The following PTGIS variants were observed in gnomAD, a reference collection of about 807,000 sequenced individuals.
PTGIS encodes the protein prostaglandin I2 synthase.
In PTGIS, 45 loss-of-function variants were observed where a neutral mutation model predicts 50.3. The ratio of observed to expected loss-of-function variants is 0.90; its 90% CI spans 0.70 to 1.15. The LOEUF is 1.15. Among genes scored for constraint, PTGIS ranks in the 50% most tolerant of loss-of-function variants. PTGIS has a pLI of 0.00. For missense variants in PTGIS, 668 were observed against 661.3 expected (o/e 1.01, Z -0.11); for synonymous variants, 260 against 267.7 (o/e 0.97, Z 0.28).
At chr20:49,542,198 T>C (rs1415529335) in intron 4 of PTGIS, among the ~76,000 whole-genome samples, 1 of 152,110 alleles carries the variant, frequency 6.6e-6, no homozygotes. Flanking sequence ...ACTTTGGGTG[T>C]GACTCAGTGA....
chr20:49,533,885 T>TC (rs1399774973), intron 5 of PTGIS, among the ~76,000 whole-genome samples: 25 of 152,058 alleles, frequency 1.6e-4, no homozygotes, highest in African/African-American at 5.8e-4. Context: ...TGCTTGAACC[T>TC]GGGAGGCAGA....
chr20:49,514,338 C>T lies in PTGIS; in HGVS notation c.913G>A (p.Ala305Thr), dbSNP rs1240279552. 6.2e-7 allele frequency: 1 copy of T among 1,613,992 alleles called. No homozygotes were observed. The highest frequency in any genetic ancestry group is 1.3e-5 in the African/African-American group (1 of 74,932). Reference sequence around the variant, plus strand: ...AGCTCTCCGCGGACAGCAGCCAGGGCTTCAGGATTCTTGAGAAGGAAGAGC... The same window carrying T: ...AGCTCTCCGCGGACAGCAGCCAGGGTTTCAGGATTCTTGAGAAGGAAGAGC... ...LLLFLLKNPE[A>T]LAAVRGELES... Residue 305 changes from alanine to threonine, a missense_variant, in exon 7 of 10, where the codon GCC becomes ACC. Ala to Thr is a moderately conservative substitution (Grantham distance 58). Coordinates refer to ENST00000244043, the MANE Select transcript of PTGIS (RefSeq NM_000961.4).
intron 6 of PTGIS, among the ~76,000 whole-genome samples, chr20:49,519,853 G>A (rs2122849581): frequency 1.3e-5 from 2 of 151,142 alleles, no homozygotes; most frequent in Non-Finnish European, 2.9e-5. Flanking sequence ...GGATCCTGTT[G>A]GCTTTACTTT....
In PTGIS at chr20:49,554,696, G is replaced by A. The variant is rs888775881; in HGVS notation, c.75-4507C>T. Among the ~76,000 whole-genome samples, 7 of 152,210 alleles carry A rather than the reference G, an allele frequency of 4.6e-5. No homozygotes were observed. In the East Asian group the frequency reaches 1.3e-3, roughly 29 times the overall value. ...GATTCTGAGAGATTAAATTAGTTCA[G>A]AGTTTCTCTATTAATTAAACATTAA... On this transcript the variant is annotated intron_variant, in intron 1 of 9. Coordinates refer to ENST00000244043, the MANE Select transcript of PTGIS (RefSeq NM_000961.4).
intron 5 of PTGIS, among the ~76,000 whole-genome samples, chr20:49,535,846 T>C (rs1053943893): frequency 1.3e-5 from 2 of 152,234 alleles, no homozygotes; most frequent in Non-Finnish European, 2.9e-5. Flanking sequence ...GTTAATTTCA[T>C]ATCCTTCTAC....
At chr20:49,513,378 C>T (rs1466471746) in intron 7 of PTGIS, 117 bp from the exon 8 acceptor site, 5 of 1,158,664 alleles carry the variant, frequency 4.3e-6, no homozygotes, top group Non-Finnish European at 6.2e-6. Context: ...GTGCCTGCCT[C>T]GCCCACACAG....
chr20:49,547,086 G>T (rs1196034126), intron 3 of PTGIS, among the ~76,000 whole-genome samples: 4 of 152,152 alleles, frequency 2.6e-5, no homozygotes, highest in African/African-American at 4.8e-5. Context: ...ACAAAAATTA[G>T]CCAGGTGTGG....
intron 6 of PTGIS, among the ~76,000 whole-genome samples, chr20:49,518,685 C>T (rs1296913373): frequency 6.6e-6 from 1 of 151,902 alleles, no homozygotes; most frequent in East Asian, 1.9e-4. Flanking sequence ...AAAAACCAAC[C>T]CTCTTTACAG....
intron 1 of PTGIS, among the ~76,000 whole-genome samples, chr20:49,563,492 C>A (rs1222400170): frequency 1.3e-5 from 2 of 152,162 alleles, no homozygotes; most frequent in Non-Finnish European, 2.9e-5. Context: ...GCTGGAGAGG[C>A]AATAGGGAGT....
rs566172756 is a variant in PTGIS, at chr20:49,546,191, C to T, written c.377+1650G>A. ...GACAAGCCCTCAACAGATGTGGCTG[C>T]TGTGCCCAGAAGACATCACGCCAGC... On this transcript the variant is annotated intron_variant, in intron 3 of 9. Coordinates refer to ENST00000244043, the MANE Select transcript of PTGIS (RefSeq NM_000961.4). Among the ~76,000 whole-genome samples the T allele has an allele frequency of 9.2e-5, 14 of 152,332 alleles. 1 individual carries two copies. Among genetic ancestry groups the T allele is most frequent in the Admixed American group, 4.6e-4 (7 of 15,300 alleles).
intron 4 of PTGIS, among the ~76,000 whole-genome samples, chr20:49,543,536 T>G (rs992562683): frequency 3.9e-5 from 6 of 152,196 alleles, no homozygotes; most frequent in Non-Finnish European, 7.3e-5. Flanking sequence ...CCTGTCCACC[T>G]TCCCTCCTTG....
intron 5 of PTGIS, 117 bp downstream of exon 5, chr20:49,539,451 TCC>T (rs1363743605): frequency 1.2e-5 from 15 of 1,218,062 alleles, no homozygotes; most frequent in Non-Finnish European, 1.7e-5. Flanking sequence ...TCTTACTGCC[TCC>T]CTGGGCATTG....
chr20:49,509,472 C>T (rs1180002689), intron 9 of PTGIS, among the ~76,000 whole-genome samples: 4 of 152,304 alleles, frequency 2.6e-5, no homozygotes, highest in South Asian at 2.1e-4. Context: ...GGTAGGAATG[C>T]CAGTCGGTTC....
At chr20:49,516,059 T>G (rs1981465877) in intron 6 of PTGIS, among the ~76,000 whole-genome samples, 1 of 134,964 alleles carries the variant, frequency 7.4e-6, no homozygotes, top group Admixed American at 7.5e-5. Context: ...TTTTTTTTTT[T>G]GGTAGAGATG....
rs1347672091 is a variant in PTGIS at position 49,540,236 on chromosome 20, G to A, written c.522-515C>T. Among the ~76,000 whole-genome samples, 3 of 152,186 alleles carry A rather than the reference G, an allele frequency of 2.0e-5. No individual in the cohort carries two copies. ...AGAGAGCTCGAGGGGACGGTGCTGA[G>A]ATGGGGGCACAGAGAAGGGGAGGAG... On this transcript the variant is annotated intron_variant, in intron 4 of 9. Coordinates refer to ENST00000244043, the MANE Select transcript of PTGIS (RefSeq NM_000961.4). This position sits in a 1 kb window ranked among gnomAD's most constrained non-coding sequence, Gnocchi z 4.8.
At chr20:49,548,075 C>G (rs1403592773) in intron 2 of PTGIS, 56 bp from the exon 3 acceptor site, 20 of 1,547,116 alleles carry the variant, frequency 1.3e-5, no homozygotes, top group Non-Finnish European at 1.8e-5. Flanking sequence ...AGCAGCCGCT[C>G]TCAGTGGTCA....
At chr20:49,567,929 A>T in intron 1 of PTGIS, 114 bp downstream of exon 1, 1 of 1,016,308 alleles carries the variant, frequency 9.8e-7, no homozygotes, top group Non-Finnish European at 1.3e-6. Flanking sequence ...CTTGCCCGGG[A>T]TACTGGAGCG....
At chr20:49,539,805 AC>A in intron 4 of PTGIS, 84 bp from the exon 5 acceptor site, 1 of 1,507,844 alleles carries the variant, frequency 6.6e-7, no homozygotes, top group Non-Finnish European at 9.0e-7. Context: ...TCATTCATAC[AC>A]CCAGTGAGCA....
At chr20:49,567,884 C>G (rs1982942285) in intron 1 of PTGIS, among the ~76,000 whole-genome samples, 159 bp downstream of exon 1, 1 of 151,904 alleles carries the variant, frequency 6.6e-6, no homozygotes, top group South Asian at 2.1e-4. Flanking sequence ...CACCCACGTG[C>G]GGGGCCCCGG....
Sources: allele counts gnomAD v4.1 joint callset (sites outside exome capture counted in the v4.1 genomes callset), GRCh38; gene constraint gnomAD v4.1.1; non-coding constraint Gnocchi (gnomAD v3.1); transcripts MANE v1.5; gene names NCBI Gene and HGNC (gene_info 2026-07-23, HGNC 2026-07-21).